Variants in RPS6KC1 observed in about 807,000 individuals in gnomAD.
The protein encoded by RPS6KC1 is ribosomal protein S6 kinase C1.
A neutral mutation model predicts 103.8 loss-of-function variants in RPS6KC1; 54 were observed. That is an observed-to-expected ratio of 0.52 (90% CI 0.42 to 0.65). RPS6KC1 has a LOEUF of 0.65. Among genes scored for constraint, RPS6KC1 ranks in the 30% least tolerant of loss-of-function variants. The probability of loss-of-function intolerance (pLI) is 0.00; values close to 1 mark genes in which losing one functional copy is unlikely to be tolerated. For missense variants in RPS6KC1, 1,151 were observed against 1,253.8 expected (o/e 0.92, Z 1.24); for synonymous variants, 439 against 438.7 (o/e 1.00, Z -0.01).
At chr1:213,445,557 G>T in the RPS6KC1 span, among the ~76,000 whole-genome samples, 4 of 152,310 alleles carry the variant, frequency 2.6e-5, no homozygotes, top group South Asian at 8.3e-4. Context: ...AAGCAGGAGG[G>T]AAGGGCAGGG....
chr1:213,060,274 A>T (rs1453479507), intron 1 of RPS6KC1, among the ~76,000 whole-genome samples: 1 of 152,240 alleles, frequency 6.6e-6, no homozygotes, highest in African/African-American at 2.4e-5. Context: ...CAAATGTCTG[A>T]TATTAAGGCA....
chr1:213,415,153 T>C, the RPS6KC1 span, among the ~76,000 whole-genome samples: 31 of 152,262 alleles, frequency 2.0e-4, no homozygotes, highest in Non-Finnish European at 3.8e-4. Context: ...CCACTTTTTT[T>C]ACTGTGTCTA....
chr1:213,845,433 G>A, the RPS6KC1 span, among the ~76,000 whole-genome samples: 1 of 152,132 alleles, frequency 6.6e-6, no homozygotes, highest in Non-Finnish European at 1.5e-5. Context: ...TTTGGGTCCT[G>A]TATCAACCAC....
At chr1:213,237,597 T>C (rs2094251851) in intron 10 of RPS6KC1, among the ~76,000 whole-genome samples, 1 of 152,022 alleles carries the variant, frequency 6.6e-6, no homozygotes, top group African/African-American at 2.4e-5. Flanking sequence ...CAAAAGATGA[T>C]TTTGATTACT....
the RPS6KC1 span, among the ~76,000 whole-genome samples, chr1:213,450,731 T>C: frequency 6.6e-6 from 1 of 152,168 alleles, no homozygotes; most frequent in African/African-American, 2.4e-5. Flanking sequence ...ATCCCAGCAC[T>C]TTGGGAGGCC....
intron 8 of RPS6KC1, among the ~76,000 whole-genome samples, chr1:213,199,449 T>A (rs2093070353): frequency 6.6e-6 from 1 of 152,112 alleles, no homozygotes; most frequent in Non-Finnish European, 1.5e-5. Context: ...ATTCAACATT[T>A]CCTCAGGCTA....
chr1:213,431,381 A>G, the RPS6KC1 span, among the ~76,000 whole-genome samples: 2 of 152,178 alleles, frequency 1.3e-5, no homozygotes, highest in South Asian at 4.1e-4. Context: ...CAAAGTGAAT[A>G]CATCTGTGTA....
the RPS6KC1 span, among the ~76,000 whole-genome samples, chr1:213,604,658 T>C: frequency 6.6e-6 from 1 of 152,224 alleles, no homozygotes; most frequent in Non-Finnish European, 1.5e-5. Context: ...CTGCCAGACC[T>C]GCCATGTGGG....
chr1:213,806,359 GA>G, the RPS6KC1 span, among the ~76,000 whole-genome samples: 345 of 151,304 alleles, frequency 2.3e-3, no homozygotes, highest in African/African-American at 7.6e-3. Flanking sequence ...AAAATAAAAA[GA>G]AAAAAAAATC....
At chr1:213,405,164 A>G in the RPS6KC1 span, among the ~76,000 whole-genome samples, 3 of 152,374 alleles carry the variant, frequency 2.0e-5, no homozygotes, top group East Asian at 3.9e-4. Flanking sequence ...GATGCAATCC[A>G]TGTCTATCTA....
At chr1:213,483,942 A>C in the RPS6KC1 span, among the ~76,000 whole-genome samples, 11 of 152,322 alleles carry the variant, frequency 7.2e-5, no homozygotes, top group African/African-American at 2.2e-4. Flanking sequence ...AAAATCTGAC[A>C]TAGAAGGAGG....
At chr1:213,391,137 G>C in the RPS6KC1 span, among the ~76,000 whole-genome samples, 1 of 152,156 alleles carries the variant, frequency 6.6e-6, no homozygotes, top group African/African-American at 2.4e-5. Flanking sequence ...CCTGTTTGCA[G>C]TCTAGGAGTA....
intron 8 of RPS6KC1, among the ~76,000 whole-genome samples, chr1:213,216,841 A>G (rs1558558889): frequency 2.0e-5 from 3 of 152,218 alleles, no homozygotes; most frequent in Admixed American, 6.5e-5. Context: ...AAGACATAAC[A>G]TACCAGAATC....
At chr1:213,836,721 G>A in the RPS6KC1 span, among the ~76,000 whole-genome samples, 2 of 152,044 alleles carry the variant, frequency 1.3e-5, no homozygotes, top group Non-Finnish European at 2.9e-5. Flanking sequence ...TGTGACTCAC[G>A]TTTTTATTTT....
chr1:213,150,701 C>T (rs1307940197), intron 6 of RPS6KC1, among the ~76,000 whole-genome samples: 6 of 152,096 alleles, frequency 3.9e-5, no homozygotes, highest in Admixed American at 6.5e-5. Context: ...GAAAAGTCTC[C>T]CATGTCTACT....
At chr1:213,235,417 T>C (rs1466892478) in intron 10 of RPS6KC1, among the ~76,000 whole-genome samples, 4 of 152,012 alleles carry the variant, frequency 2.6e-5, no homozygotes, top group African/African-American at 7.2e-5. Flanking sequence ...GAGGTAAATA[T>C]GCTATGGAGA....
intron 3 of RPS6KC1, among the ~76,000 whole-genome samples, chr1:213,091,078 G>A (rs1213855420): frequency 6.7e-6 from 1 of 149,966 alleles, no homozygotes; most frequent in African/African-American, 2.5e-5. Context: ...TTTTTTTTGA[G>A]ACGGAGTCTC....
At chr1:213,606,690 CCTG>C in the RPS6KC1 span, among the ~76,000 whole-genome samples, 4 of 152,206 alleles carry the variant, frequency 2.6e-5, no homozygotes, top group African/African-American at 9.6e-5. Flanking sequence ...GAGGTCAAAA[CCTG>C]CACCAAAAGG....
the RPS6KC1 span, among the ~76,000 whole-genome samples, chr1:213,784,712 G>C: frequency 6.6e-6 from 1 of 152,182 alleles, no homozygotes; most frequent in Non-Finnish European, 1.5e-5. Context: ...GTGCCAACTG[G>C]ATGGCGCTTT....
Sources: gnomAD v4.1 joint callset for allele counts (sites outside exome capture counted in the v4.1 genomes callset) on GRCh38, gnomAD v4.1.1 for gene constraint, MANE v1.5 for transcripts, NCBI Gene and HGNC (gene_info 2026-07-23, HGNC 2026-07-21) for gene names.